The following SORBS2 variants were observed in gnomAD, a reference collection of about 807,000 sequenced individuals.
SORBS2 encodes the protein sorbin and SH3 domain-containing protein 2.
In SORBS2, 46 loss-of-function variants were observed where a neutral mutation model predicts 97.7. The ratio of observed to expected loss-of-function variants is 0.47; its 90% CI spans 0.37 to 0.60. The LOEUF (loss-of-function observed/expected upper bound fraction) is 0.60, where lower values mean the gene tolerates loss of function less well. Ranked by LOEUF, SORBS2 falls within the 20% of genes least tolerant of loss-of-function variation. The pLI is 0.00. For synonymous variants in SORBS2, 476 were observed against 473.4 expected (o/e 1.01, Z -0.07); for missense variants, 1,316 against 1,282.3 (o/e 1.03, Z -0.40).
At chr4:185,846,079 C>G (rs903618903) in intron 1 of SORBS2, among the ~76,000 whole-genome samples, 1 of 152,170 alleles carries the variant, frequency 6.6e-6, no homozygotes, top group African/African-American at 2.4e-5. Flanking sequence ...AACATATGTT[C>G]ATACAAAAAC....
In SORBS2 at chr4:185,619,973, G is replaced by A. The variant is rs2096691152; in HGVS notation, c.2304+90C>T. 4 of 819,894 alleles carry A rather than the reference G, an allele frequency of 4.9e-6. No individual in the cohort carries two copies. The Admixed American group carries it at 7.0e-5, about 14-fold the overall frequency. The allele number at this position is 819,894 out of a possible 1,614,324, so 50.8% of individuals were successfully genotyped here. ...CAGTATTTTCACATTTCCTGTCCGA[G>A]TTCGTTACTGGTTTGGGATAATTTT... is the stretch of plus-strand genomic sequence containing the variant. On this transcript the variant is annotated intron_variant, in intron 8 of 14. Transcript: ENST00000418609.
intron 2 of SORBS2, among the ~76,000 whole-genome samples, chr4:185,696,283 A>G (rs947085751): frequency 6.6e-6 from 1 of 152,168 alleles, no homozygotes; most frequent in Non-Finnish European, 1.5e-5. Context: ...AGACTTTACA[A>G]TGTAAGCTGT....
intron 6 of SORBS2, 114 bp from the exon 19 acceptor site, chr4:185,624,608 T>A: frequency 8.7e-7 from 1 of 1,143,416 alleles, no homozygotes; most frequent in Non-Finnish European, 1.2e-6. Flanking sequence ...GAGAAAGCAG[T>A]TAGTGTGTTT....
chr4:185,716,523 A>G (rs1583316047), intron 2 of SORBS2, among the ~76,000 whole-genome samples: 2 of 152,358 alleles, frequency 1.3e-5, no homozygotes, highest in Middle Eastern at 3.4e-3. Flanking sequence ...GAAATATTTC[A>G]GATACGGGGC....
intron 2 of SORBS2, among the ~76,000 whole-genome samples, chr4:185,730,873 G>A (rs2098615607): frequency 6.6e-6 from 1 of 152,220 alleles, no homozygotes; most frequent in Non-Finnish European, 1.5e-5. Flanking sequence ...TCAAAAGGCT[G>A]CAGCCTGACG....
intron 4 of SORBS2, among the ~76,000 whole-genome samples, chr4:185,666,417 C>T (rs2097599624): frequency 6.6e-6 from 1 of 152,074 alleles, no homozygotes; most frequent in South Asian, 2.1e-4. Context: ...GAAACAAGGC[C>T]GGTTTTCACA....
At chr4:185,641,912 T>C (rs1463013432) in intron 4 of SORBS2, among the ~76,000 whole-genome samples, 1 of 152,204 alleles carries the variant, frequency 6.6e-6, no homozygotes, top group Non-Finnish European at 1.5e-5. Flanking sequence ...TTAAAAATTT[T>C]AGTGTTTTCT....
intron 1 of SORBS2, among the ~76,000 whole-genome samples, chr4:185,842,472 G>A (rs919263453): frequency 6.6e-6 from 1 of 152,144 alleles, no homozygotes; most frequent in African/African-American, 2.4e-5. Context: ...TGACCTTACT[G>A]TAAACCTACA....
intron 14 of SORBS2, 62 bp downstream of exon 26, chr4:185,589,617 A>G: frequency 1.1e-6 from 1 of 889,544 alleles, no homozygotes; most frequent in Non-Finnish European, 1.9e-6. Context: ...AAACCACGGG[A>G]GTGAGCAAAC....
At position 185,920,842 on chromosome 4, in the gene SORBS2, A is replaced by G. The variant is rs1248417979; in HGVS notation, c.-338+35354T>C. Among the ~76,000 whole-genome samples the G allele has an allele frequency of 2.0e-5, 3 of 152,248 alleles. No individual in the cohort carries two copies. The East Asian group carries it at 5.8e-4, about 29-fold the overall frequency. On this transcript the variant is annotated intron_variant, in intron 1 of 20. Transcript: ENST00000284776. ...TACTACAATTCTCTCTTTCAGTGAT[A>G]AGTAAATGGTAACAAAAGTCATCTG...
intron 1 of SORBS2, among the ~76,000 whole-genome samples, chr4:185,655,856 T>A (rs1314222927): frequency 6.6e-6 from 1 of 152,196 alleles, no homozygotes; most frequent in Non-Finnish European, 1.5e-5. Context: ...TTATATATCA[T>A]TTATTGACCT....
chr4:185,828,816 G>A (rs1421930579), intron 1 of SORBS2, among the ~76,000 whole-genome samples: 1 of 152,104 alleles, frequency 6.6e-6, no homozygotes, highest in Non-Finnish European at 1.5e-5. Flanking sequence ...GGCGATTCAA[G>A]TCACTATCCA....
chr4:185,731,854 CTCTCTCTCTCTCTATATATATATATA>C (rs1175451913), intron 2 of SORBS2, among the ~76,000 whole-genome samples: 65 of 33,786 alleles, frequency 1.9e-3, no homozygotes, highest in African/African-American at 7.0e-3. Flanking sequence ...CTCTCTCTCT[CTCTCTCTCTCTCTATATATATATATA>C]TATATATATA....
intron 2 of SORBS2, among the ~76,000 whole-genome samples, chr4:185,732,769 G>A (rs549712928): frequency 1.3e-5 from 2 of 152,344 alleles, no homozygotes; most frequent in East Asian, 1.9e-4. Flanking sequence ...CTCACCCCCA[G>A]TACCTGTGAG....
intron 2 of SORBS2, among the ~76,000 whole-genome samples, chr4:185,687,611 G>C (rs943393905): frequency 1.3e-5 from 2 of 152,082 alleles, no homozygotes; most frequent in Non-Finnish European, 1.5e-5. Flanking sequence ...TTTGACCTAG[G>C]AGCACAGTGA....
At chr4:185,656,661 C>T (rs942764483) in exon 1 of SORBS2, 12 of 1,550,898 alleles carry the variant, frequency 7.7e-6, no homozygotes, top group South Asian at 2.4e-5. Context: ...TTCCTTCTCC[C>T]GGCTGGCACA....
chr4:185,674,069 G>A (rs1312749548), intron 4 of SORBS2, among the ~76,000 whole-genome samples: 2 of 152,092 alleles, frequency 1.3e-5, no homozygotes, highest in African/African-American at 2.4e-5. Flanking sequence ...TCTGTCTCAT[G>A]GCCACAAAAC....
chr4:185,847,349 C>T (rs2099215122), intron 1 of SORBS2, among the ~76,000 whole-genome samples: 1 of 152,130 alleles, frequency 6.6e-6, no homozygotes, highest in Admixed American at 6.5e-5. Context: ...CTTTAAAATG[C>T]CTTCAGTATC....
chr4:185,806,436 A>ATTTTTTT (rs35448726), intron 1 of SORBS2, among the ~76,000 whole-genome samples: 1 of 22,724 alleles, frequency 4.4e-5, no homozygotes, highest in African/African-American at 1.4e-4. Flanking sequence ...CTAGAATCCT[A>ATTTTTTT]TTTTTTTTTT....
Sources: gnomAD v4.1 joint callset for allele counts (sites outside exome capture counted in the v4.1 genomes callset) on GRCh38, gnomAD v4.1.1 for gene constraint, MANE v1.5 for transcripts, NCBI Gene and HGNC (gene_info 2026-07-23, HGNC 2026-07-21) for gene names.